The following LPAR6 variants were observed in gnomAD, a reference collection of about 807,000 sequenced individuals.
The protein encoded by LPAR6 is lysophosphatidic acid receptor 6.
A neutral mutation model predicts 22.0 loss-of-function variants in LPAR6; 17 were observed. The observed-to-expected ratio is 0.77, with a 90% confidence interval of 0.53 to 1.16. LPAR6 has a LOEUF of 1.16. LPAR6 is among the 50% of genes most tolerant of loss of function. LPAR6 has a pLI of 0.00. For missense variants in LPAR6, 384 were observed against 406.9 expected (o/e 0.94, Z 0.48); for synonymous variants, 136 against 139.8 (o/e 0.97, Z 0.19).
intron 1 of LPAR6, among the ~76,000 whole-genome samples, chr13:48,435,528 A>G (rs180737244): frequency 6.6e-6 from 1 of 152,146 alleles, no homozygotes; most frequent in Non-Finnish European, 1.5e-5. Context: ...TTCTTTCTTC[A>G]TCTTCTTCAC....
intron 1 of LPAR6, among the ~76,000 whole-genome samples, chr13:48,401,821 G>A (rs1027496822): frequency 6.6e-6 from 1 of 152,136 alleles, no homozygotes; most frequent in African/African-American, 2.4e-5. Flanking sequence ...CTAAGTTTCA[G>A]TGGTTCTTAT....
intron 1 of LPAR6, among the ~76,000 whole-genome samples, chr13:48,432,249 A>G (rs1949137476): frequency 2.0e-5 from 3 of 152,088 alleles, no homozygotes; most frequent in Admixed American, 1.3e-4. Context: ...GGCCTTCTCC[A>G]ATCTGTATTT....
At chr13:48,391,723 A>G (rs1948612338) in intron 1 of LPAR6, among the ~76,000 whole-genome samples, 1 of 151,928 alleles carries the variant, frequency 6.6e-6, no homozygotes, top group Admixed American at 6.6e-5. Context: ...GGTTCAAGCG[A>G]TTCTCCTGCC....
chr13:48,397,047 G>A lies in LPAR6; in HGVS notation n.115-7235C>T, dbSNP rs186649340. Among the ~76,000 whole-genome samples, 4 of 152,304 alleles carry A rather than the reference G, an allele frequency of 2.6e-5. No individual in the cohort carries two copies. In the East Asian group the frequency reaches 7.7e-4, roughly 29 times the overall value. On this transcript the variant is annotated intron_variant and non_coding_transcript_variant, in intron 1 of 1. Transcript: ENST00000462781. ...TAGGAATGGTTTTATACTGTTGGTG[G>A]CAGTGTAAATTAGTTCAACCATTGT...
chr13:48,440,552 CAT>C (rs1029391715), intron 1 of LPAR6, among the ~76,000 whole-genome samples: 1 of 152,106 alleles, frequency 6.6e-6, no homozygotes, highest in African/African-American at 2.4e-5. Flanking sequence ...TATTTGGCTT[CAT>C]ATATATAAAG....
chr13:48,406,955 A>G (rs564066765), downstream of LPAR6, among the ~76,000 whole-genome samples: 2 of 152,270 alleles, frequency 1.3e-5, no homozygotes, highest in East Asian at 3.9e-4. Flanking sequence ...GTTATGTGAC[A>G]TTGTGTCTGT....
intron 1 of LPAR6, among the ~76,000 whole-genome samples, chr13:48,404,019 A>AT (rs1275985998): frequency 1.3e-5 from 2 of 152,258 alleles, no homozygotes; most frequent in East Asian, 3.9e-4. Flanking sequence ...ACGAAAAAAA[A>AT]GCACCTTCCT....
upstream of LPAR6, among the ~76,000 whole-genome samples, chr13:48,414,331 C>T (rs1017566761): frequency 2.1e-5 from 3 of 143,704 alleles, no homozygotes; most frequent in African/African-American, 5.2e-5. Flanking sequence ...TGGGCGACAG[C>T]GAGACTATCT....
chr13:48,409,705 C>T (rs994637973), downstream of LPAR6, among the ~76,000 whole-genome samples: 2 of 150,440 alleles, frequency 1.3e-5, no homozygotes, highest in African/African-American at 2.4e-5. Flanking sequence ...CTCTGCCTCC[C>T]GAGTAGCTGG....
intron 2 of LPAR6, among the ~76,000 whole-genome samples, chr13:48,419,406 T>C (rs1227948529): frequency 1.3e-5 from 2 of 152,224 alleles, no homozygotes; most frequent in South Asian, 2.1e-4. Context: ...GGGAAGTTTA[T>C]AGCACTAAAT....
chr13:48,399,681 A>G (rs1337978490), intron 1 of LPAR6, among the ~76,000 whole-genome samples: 1 of 152,064 alleles, frequency 6.6e-6, no homozygotes, highest in Non-Finnish European at 1.5e-5. Flanking sequence ...TTATAAATCA[A>G]TGCAGGTATT....
intron 1 of LPAR6, among the ~76,000 whole-genome samples, chr13:48,440,569 G>A (rs551734142): frequency 6.6e-6 from 1 of 152,074 alleles, no homozygotes; most frequent in South Asian, 2.1e-4. Flanking sequence ...ATAAAGATTG[G>A]GGTAAGGCGA....
intron 1 of LPAR6, among the ~76,000 whole-genome samples, chr13:48,404,907 C>A (rs1466680044): frequency 3.3e-5 from 5 of 151,976 alleles, no homozygotes; most frequent in Non-Finnish European, 5.9e-5. Context: ...GGAATGAGAT[C>A]CAGATCAGCA....
chr13:48,438,092 C>A (rs532473850), intron 1 of LPAR6, among the ~76,000 whole-genome samples: 6 of 152,306 alleles, frequency 3.9e-5, no homozygotes, highest in African/African-American at 1.4e-4. Flanking sequence ...AAAGTCCCAT[C>A]TGAACCCTGG....
downstream of LPAR6, among the ~76,000 whole-genome samples, chr13:48,407,971 C>A (rs1948754707): frequency 6.6e-6 from 1 of 151,984 alleles, no homozygotes; most frequent in South Asian, 2.1e-4. Flanking sequence ...TGACAAAGGA[C>A]AAAATACTTG....
intron 1 of LPAR6, among the ~76,000 whole-genome samples, chr13:48,405,720 A>T (rs1005857025): frequency 7.2e-5 from 11 of 152,222 alleles, no homozygotes; most frequent in African/African-American, 2.7e-4. Context: ...CAAAGTCGTA[A>T]CTATACAAAA....
intron 1 of LPAR6, among the ~76,000 whole-genome samples, chr13:48,437,563 G>A (rs957050094): frequency 6.6e-6 from 1 of 152,128 alleles, no homozygotes; most frequent in Non-Finnish European, 1.5e-5. Context: ...CACTGGGATT[G>A]GAGAGTCTAC....
upstream of LPAR6, among the ~76,000 whole-genome samples, chr13:48,414,805 T>C (rs1316681225): frequency 1.3e-5 from 2 of 152,210 alleles, no homozygotes; most frequent in African/African-American, 4.8e-5. Context: ...GTATTACTTA[T>C]AACCAATACT....
At chr13:48,429,514 T>A (rs1949108747), upstream of LPAR6, 1 of 152,014 alleles carries the variant, frequency 6.6e-6, no homozygotes. Context: ...CATTTTTCTG[T>A]CCTCACCCTG....
Sources: allele counts gnomAD v4.1 joint callset (sites outside exome capture counted in the v4.1 genomes callset), GRCh38; gene constraint gnomAD v4.1.1; transcripts MANE v1.5; gene names NCBI Gene and HGNC (gene_info 2026-07-23, HGNC 2026-07-21).